The following ATP2B1 variants were observed in gnomAD, a reference collection of about 807,000 sequenced individuals.
The protein encoded by ATP2B1 is plasma membrane calcium-transporting ATPase 1.
Under a neutral mutation model 124.2 loss-of-function variants are expected in ATP2B1, and 14 were observed. The observed-to-expected ratio is 0.11, with a 90% CI of 0.07 to 0.18. The LOEUF is 0.18. Among genes scored for constraint, ATP2B1 ranks in the 10% least tolerant of loss-of-function variants. The probability of loss-of-function intolerance (pLI) is 1.00; values close to 1 mark genes in which losing one functional copy is unlikely to be tolerated. For synonymous variants in ATP2B1, 449 were observed against 492.4 expected (o/e 0.91, Z 1.17); for missense variants, 763 against 1,466.1 (o/e 0.52, Z 7.83).
chr12:89,628,115 A>C (rs552188987), intron 6 of ATP2B1, among the ~76,000 whole-genome samples: 1 of 152,132 alleles, frequency 6.6e-6, no homozygotes, highest in East Asian at 1.9e-4. Flanking sequence ...TAAAACGACA[A>C]CGGGCAGTCG....
At chr12:89,611,099 T>A in intron 13 of ATP2B1, 94 bp downstream of exon 13, 1 of 1,180,558 alleles carries the variant, frequency 8.5e-7, no homozygotes, top group Non-Finnish European at 1.2e-6. Flanking sequence ...GCATGGTGCC[T>A]AACACAGTGC....
intron 1 of ATP2B1, among the ~76,000 whole-genome samples, chr12:89,702,210 C>A (rs914450912): frequency 2.6e-4 from 40 of 152,136 alleles, no homozygotes; most frequent in Non-Finnish European, 4.4e-5. Flanking sequence ...TTTGGTTGTG[C>A]CTCTTTCCCC....
chr12:89,611,480 A>T (rs1296520818), intron 12 of ATP2B1, 108 bp from the exon 13 acceptor site: 1 of 827,392 alleles, frequency 1.2e-6, no homozygotes, highest in Non-Finnish European at 1.8e-6. Flanking sequence ...AAATGATGAC[A>T]ATGATACAAT....
intron 1 of ATP2B1, among the ~76,000 whole-genome samples, chr12:89,661,957 C>T (rs1409300138): frequency 6.6e-6 from 1 of 152,162 alleles, no homozygotes; most frequent in Admixed American, 6.5e-5. Context: ...GATTCTCAAT[C>T]AGTGTGGACA....
intron 1 of ATP2B1, among the ~76,000 whole-genome samples, chr12:89,700,995 T>G (rs1195396353): frequency 6.6e-6 from 1 of 152,236 alleles, no homozygotes; most frequent in East Asian, 1.9e-4. Context: ...TACTTAAATG[T>G]CTAAAATTAC....
intron 6 of ATP2B1, among the ~76,000 whole-genome samples, chr12:89,629,584 G>C (rs1881522248): frequency 6.6e-6 from 1 of 152,132 alleles, no homozygotes; most frequent in African/African-American, 2.4e-5. Flanking sequence ...AAAACTCAAA[G>C]AACAAAACAA....
At position 89,591,138 on chromosome 12, in the gene ATP2B1, T is replaced by C; in HGVS notation, c.3509A>G (p.Asp1170Gly). ...ACTGGAGTTACGTTTTGTAGGAGCA[T>C]CATCTTCGGCATCAGTGTCATCAAT... is the stretch of plus-strand genomic sequence containing the variant. ...PLIDDTDAED[D>G]APTKRNSSPP... Residue 1170 changes from aspartate (D) to glycine (G), a missense_variant, in exon 21 of 21, where the codon GAT (aspartate) becomes GGT (glycine). Coordinates refer to ENST00000428670, the MANE Select transcript of ATP2B1 (RefSeq NM_001366521.1). The C allele has an allele frequency of 1.2e-6, 2 of 1,613,346 alleles. No homozygotes were observed. The highest frequency in any genetic ancestry group is 1.7e-6 in the Non-Finnish European group (2 of 1,179,418).
At chr12:89,675,115 G>C (rs1006028764) in intron 1 of ATP2B1, among the ~76,000 whole-genome samples, 2 of 152,038 alleles carry the variant, frequency 1.3e-5, no homozygotes, top group East Asian at 3.9e-4. Context: ...CTGTGTTTTA[G>C]GGATCAACAA....
intron 1 of ATP2B1, among the ~76,000 whole-genome samples, chr12:89,680,902 C>A (rs1009588446): frequency 6.6e-6 from 1 of 152,112 alleles, no homozygotes; most frequent in Non-Finnish European, 1.5e-5. Flanking sequence ...AAGATAACCA[C>A]GGAACAGCAT....
intron 20 of ATP2B1, chr12:89,594,845 T>C (rs896379522): frequency 6.6e-6 from 1 of 151,998 alleles, no homozygotes; most frequent in Non-Finnish European, 1.5e-5. Flanking sequence ...TCTAAAATAC[T>C]AATCACAAGC....
chr12:89,614,174 T>G (rs551357882), intron 12 of ATP2B1, among the ~76,000 whole-genome samples: 2 of 152,210 alleles, frequency 1.3e-5, no homozygotes, highest in Middle Eastern at 6.8e-3. Context: ...GTATAGAACT[T>G]TGAAAAGCCA....
chr12:89,628,760 A>G (rs1881351698), intron 6 of ATP2B1, among the ~76,000 whole-genome samples: 1 of 152,204 alleles, frequency 6.6e-6, no homozygotes, highest in Admixed American at 6.5e-5. Flanking sequence ...AACATGGAAC[A>G]AACATGGTCA....
In ATP2B1 at chr12:89,626,482, T is replaced by C. The variant is rs1221511289; in HGVS notation, c.1101A>G (p.Thr367=). 6.8e-6 allele frequency: 11 copies of C among 1,612,224 alleles called. No individual in the cohort carries two copies. Among genetic ancestry groups the C allele is most frequent in the Non-Finnish European group, 9.3e-6 (11 of 1,179,530 alleles). ...KEKSVLQGKL[T]KLAVQIGKAG... is the part of the protein sequence containing the mutation. ...CTTTGCCAATCTGAACAGCCAGTTT[T>C]GTAAGTTTCCCTTGTAAAACAGATT... Residue 367 remains threonine, a synonymous_variant, in exon 8 of 21, where the codon ACA becomes ACG. Coordinates refer to ENST00000428670, the MANE Select transcript of ATP2B1 (RefSeq NM_001366521.1).
intron 3 of ATP2B1, among the ~76,000 whole-genome samples, chr12:89,640,507 A>C (rs114049436): frequency 0.016 from 2,509 of 152,290 alleles, 68 homozygotes; most frequent in African/African-American, 0.058. Flanking sequence ...AATCTATACC[A>C]ATCTCAGAAA....
intron 2 of ATP2B1, among the ~76,000 whole-genome samples, chr12:89,650,811 G>C (rs1374183518): frequency 6.6e-6 from 1 of 152,052 alleles, no homozygotes; most frequent in East Asian, 1.9e-4. Context: ...ACAATGAGAT[G>C]AAAGATATAC....
At chr12:89,602,839 A>G (rs1876134152) in intron 18 of ATP2B1, among the ~76,000 whole-genome samples, 3 of 152,206 alleles carry the variant, frequency 2.0e-5, no homozygotes, top group Non-Finnish European at 2.9e-5. Context: ...CTGTTTGTCT[A>G]GTTGGTTGTG....
At chr12:89,652,735 T>G (rs1023265077) in intron 2 of ATP2B1, among the ~76,000 whole-genome samples, 1 of 148,274 alleles carries the variant, frequency 6.7e-6, no homozygotes, top group Admixed American at 6.7e-5. Flanking sequence ...TGAAGGCTGC[T>G]GCTGTGTTTT....
At chr12:89,627,141 G>A (rs1881013373) in intron 7 of ATP2B1, among the ~76,000 whole-genome samples, 2 of 152,012 alleles carry the variant, frequency 1.3e-5, no homozygotes, top group African/African-American at 4.8e-5. Flanking sequence ...ACCCTAATCC[G>A]AAAATCTAAA....
At position 89,699,200 on chromosome 12, in the gene ATP2B1, G is replaced by A. The variant is rs1028748015; in HGVS notation, c.-222+9396C>T. Among the ~76,000 whole-genome samples, 6 of 152,130 alleles carry A rather than the reference G, an allele frequency of 3.9e-5. No individual in the cohort carries two copies. In the East Asian group the frequency reaches 9.6e-4, roughly 24 times the overall value. ...AGCTTTTTAAGTCTACTAAGTCAAC[G>A]CCTTCTAAAATTTTGGTGTGGGTTT... On this transcript the variant is annotated intron_variant, in intron 1 of 20. Coordinates refer to ENST00000428670, the MANE Select transcript of ATP2B1 (RefSeq NM_001366521.1).
Sources: gnomAD v4.1 joint callset for allele counts (sites outside exome capture counted in the v4.1 genomes callset) on GRCh38, gnomAD v4.1.1 for gene constraint, MANE v1.5 for transcripts, NCBI Gene and HGNC (gene_info 2026-07-23, HGNC 2026-07-21) for gene names.